Variants in CARMIL1 observed in about 807,000 individuals in gnomAD.
CARMIL1 encodes F-actin-uncapping protein LRRC16A.
In CARMIL1, 90 loss-of-function variants were observed where a neutral mutation model predicts 177.1. The ratio of observed to expected loss-of-function variants is 0.51; its 90% CI spans 0.43 to 0.61. The LOEUF is 0.61. Among genes scored for constraint, CARMIL1 ranks in the 20% least tolerant of loss-of-function variants. The pLI is 0.00. For synonymous variants in CARMIL1, 577 were observed against 606.2 expected (o/e 0.95, Z 0.71); for missense variants, 1,380 against 1,667.0 (o/e 0.83, Z 3.00).
At chr6:25,542,594 T>G (rs1238685000) in intron 26 of CARMIL1, among the ~76,000 whole-genome samples, 6 of 152,148 alleles carry the variant, frequency 3.9e-5, no homozygotes, top group Admixed American at 2.6e-4. Context: ...TTTATTATTC[T>G]CAATCCTTCT....
rs777234757 is a variant in CARMIL1, at chr6:25,363,001, C to A, written c.139-57113C>A. ...AGTGAGCCGAGATTGCACCACTGCA[C>A]CCCAGCCTGGGTGACAGAGTGAGAC... On this transcript the variant is annotated intron_variant, in intron 2 of 36. Coordinates refer to ENST00000329474, the MANE Select transcript of CARMIL1 (RefSeq NM_017640.6). Among the ~76,000 whole-genome samples, 106 of 152,238 alleles carry A rather than the reference C, an allele frequency of 7.0e-4. 1 individual carries two copies. Among genetic ancestry groups the A allele is most frequent in the Non-Finnish European group, 1.5e-3 (99 of 68,016 alleles).
chr6:25,567,376 T>C (rs1811648729), intron 29 of CARMIL1, among the ~76,000 whole-genome samples: 1 of 152,244 alleles, frequency 6.6e-6, no homozygotes, highest in African/African-American at 2.4e-5. Flanking sequence ...AGCAAATCCA[T>C]ACCTCCTCCA....
At chr6:25,329,304 CTCTT>C (rs1473969628) in intron 2 of CARMIL1, among the ~76,000 whole-genome samples, 15 of 152,100 alleles carry the variant, frequency 9.9e-5, no homozygotes, top group Non-Finnish European at 2.9e-5. Flanking sequence ...TGTGACCAGG[CTCTT>C]TCTTTTAGCA....
At chr6:25,503,483 T>C (rs1398155634) in intron 17 of CARMIL1, among the ~76,000 whole-genome samples, 1 of 152,224 alleles carries the variant, frequency 6.6e-6, no homozygotes, top group Non-Finnish European at 1.5e-5. Flanking sequence ...GGATTTCCAA[T>C]ATAATTCATG....
chr6:25,593,503 A>C (rs1363991561), intron 31 of CARMIL1, among the ~76,000 whole-genome samples: 1 of 152,218 alleles, frequency 6.6e-6, no homozygotes, highest in African/African-American at 2.4e-5. Flanking sequence ...GGATATTATG[A>C]AATACTCAAT....
chr6:25,310,435 C>T (rs1222587006), intron 2 of CARMIL1, among the ~76,000 whole-genome samples: 2 of 152,160 alleles, frequency 1.3e-5, no homozygotes, highest in African/African-American at 4.8e-5. Flanking sequence ...GAATCATGGC[C>T]AGCATTTTTT....
At chr6:25,571,906 G>A (rs541342689) in intron 29 of CARMIL1, among the ~76,000 whole-genome samples, 1 of 152,272 alleles carries the variant, frequency 6.6e-6, no homozygotes, top group South Asian at 2.1e-4. Flanking sequence ...GATGTGCTAG[G>A]TGAAAGAGCC....
chr6:25,444,242 A>G (rs1394411007), intron 5 of CARMIL1, among the ~76,000 whole-genome samples: 2 of 152,102 alleles, frequency 1.3e-5, no homozygotes, highest in Non-Finnish European at 2.9e-5. Context: ...ATTGGAGTCA[A>G]TTGTCTTCAG....
intron 5 of CARMIL1, among the ~76,000 whole-genome samples, chr6:25,444,988 C>G (rs1261546634): frequency 2.0e-5 from 3 of 152,184 alleles, no homozygotes; most frequent in Admixed American, 1.3e-4. Flanking sequence ...ACACTCCCAC[C>G]AACAGTGTAA....
intron 2 of CARMIL1, among the ~76,000 whole-genome samples, chr6:25,371,531 T>C (rs116090470): frequency 6.6e-6 from 1 of 152,348 alleles, no homozygotes; most frequent in Non-Finnish European, 1.5e-5. Context: ...CATTGTTTTG[T>C]ATATTTGTTG....
chr6:25,397,244 A>T (rs9467487), intron 2 of CARMIL1, among the ~76,000 whole-genome samples: 1 of 151,906 alleles, frequency 6.6e-6, no homozygotes, highest in Admixed American at 6.6e-5. Flanking sequence ...TATTTCCCCA[A>T]CTCCACAAAA....
At chr6:25,518,443 T>C (rs1311686894) in intron 22 of CARMIL1, among the ~76,000 whole-genome samples, 1 of 152,182 alleles carries the variant, frequency 6.6e-6, no homozygotes, top group Non-Finnish European at 1.5e-5. Context: ...GTTACTACCA[T>C]TACAAAATCA....
intron 20 of CARMIL1, among the ~76,000 whole-genome samples, chr6:25,512,417 G>C (rs1218885516): frequency 4.6e-5 from 7 of 152,144 alleles, no homozygotes; most frequent in Admixed American, 4.6e-4. Context: ...TTGAAAAGTA[G>C]ATGGCTTTTT....
chr6:25,514,254 A>G (rs558386674), intron 20 of CARMIL1, among the ~76,000 whole-genome samples: 7 of 152,248 alleles, frequency 4.6e-5, no homozygotes, highest in Non-Finnish European at 4.4e-5. Flanking sequence ...TCAAATAAAA[A>G]CGTCACACAA....
chr6:25,325,293 G>A (rs1266207492), intron 2 of CARMIL1, among the ~76,000 whole-genome samples: 1 of 152,208 alleles, frequency 6.6e-6, no homozygotes, highest in Non-Finnish European at 1.5e-5. Context: ...TTCTATGAAA[G>A]GGTGTTGACA....
chr6:25,426,487 C>A lies in CARMIL1; in HGVS notation c.190-14C>A. 6.2e-7 allele frequency: 1 copy of A among 1,606,956 alleles called. No homozygotes were observed. Among genetic ancestry groups the A allele is most frequent in the Non-Finnish European group, 8.5e-7 (1 of 1,175,450 alleles). On this transcript the variant is annotated splice_polypyrimidine_tract_variant and intron_variant, in intron 3 of 36. Coordinates refer to ENST00000329474, the MANE Select transcript of CARMIL1 (RefSeq NM_017640.6). ...TTGCAGGTCTTTTCTTTCCTCCTTT[C>A]CCCTCAATTGCAGCTCGAGTTAACC...
chr6:25,577,215 G>A lies in CARMIL1; in HGVS notation c.2743-3709G>A, dbSNP rs1812670547. On this transcript the variant is annotated intron_variant, in intron 29 of 36. Coordinates refer to ENST00000329474, the MANE Select transcript of CARMIL1 (RefSeq NM_017640.6). The surrounding 1 kb of genome is among the most constrained non-coding windows in gnomAD (Gnocchi z 4.5). ...ATGAATTTAAAATATCTCCAGCCAT[G>A]TGCCTGAAAGCAAGCAGAGTGTTGA... 1 of 707,866 alleles carries A rather than the reference G, an allele frequency of 1.4e-6. No homozygotes were observed. The highest frequency in any genetic ancestry group is 6.3e-5 in the Admixed American group (1 of 15,872). 43.8% of individuals were successfully genotyped at this position (707,866 alleles called of 1,614,324 possible). A position where few individuals can be genotyped will look rare whatever the true frequency, so the allele number is the denominator to read the frequency against.
At chr6:25,312,803 G>A (rs571560880) in intron 2 of CARMIL1, among the ~76,000 whole-genome samples, 10 of 148,338 alleles carry the variant, frequency 6.7e-5, no homozygotes, top group Admixed American at 1.4e-4. Context: ...GTCTTGCCAC[G>A]TTGTAAGGAG....
Position 25,496,742 on chromosome 6 carries a change from G to T in CARMIL1, c.1325+1527G>T, listed in dbSNP as rs75346302. Among the ~76,000 whole-genome samples the T allele has an allele frequency of 1.2e-3, 182 of 152,284 alleles. 1 individual carries two copies. Among genetic ancestry groups the T allele is most frequent in the East Asian group, 0.011 (58 of 5,190 alleles). Reference sequence around the variant, plus strand: ...AGCATCTACAGTGTGCTAGACACCGGATGACAGGATAGGAAGCAAAACCAG... The same window carrying T: ...AGCATCTACAGTGTGCTAGACACCGTATGACAGGATAGGAAGCAAAACCAG... On this transcript the variant is annotated intron_variant, in intron 16 of 36. Transcript: ENST00000329474.
Sources: allele counts gnomAD v4.1 joint callset (sites outside exome capture counted in the v4.1 genomes callset), GRCh38; gene constraint gnomAD v4.1.1; non-coding constraint Gnocchi (gnomAD v3.1); transcripts MANE v1.5; gene names NCBI Gene and HGNC (gene_info 2026-07-23, HGNC 2026-07-21).